The following TSHZ2 variants were observed in gnomAD, a reference collection of about 807,000 sequenced individuals.
The protein encoded by TSHZ2 is teashirt zinc finger homeobox 2.
Under a neutral mutation model 74.4 loss-of-function variants are expected in TSHZ2, and 21 were observed. The observed-to-expected ratio is 0.28, with a 90% confidence interval of 0.20 to 0.41. The LOEUF is 0.41. TSHZ2 is among the 10% of genes least tolerant of loss of function. The pLI is 1.00. For missense variants in TSHZ2, 1,244 were observed against 1,293.5 expected (o/e 0.96, Z 0.59); for synonymous variants, 540 against 515.3 (o/e 1.05, Z -0.65).
chr20:53,025,880 A>G (rs1983422173), intron 1 of TSHZ2, among the ~76,000 whole-genome samples: 1 of 151,804 alleles, frequency 6.6e-6, no homozygotes, highest in African/African-American at 2.4e-5. Context: ...TGCCAGTGAT[A>G]CTCTTTCAGC....
At chr20:53,007,926 CATAATACTAATTT>C (rs1426281853) in intron 1 of TSHZ2, among the ~76,000 whole-genome samples, 13 of 151,914 alleles carry the variant, frequency 8.6e-5, no homozygotes, top group African/African-American at 2.7e-4. Context: ...TACTTTTATT[CATAATACTAATTT>C]ATATCATTAT....
chr20:53,013,178 G>C lies in TSHZ2; in HGVS notation c.40+39845G>C, dbSNP rs1399193163. Among the ~76,000 whole-genome samples, 3 of 152,258 alleles carry C rather than the reference G, an allele frequency of 2.0e-5. No homozygotes were observed. The East Asian group carries it at 5.8e-4, about 29-fold the overall frequency. The stretch of plus-strand genomic sequence containing the variant: ...GACCATTGCAGCAAAAATGTTGGGT[G>C]ATCAGCCATGTCTTTCTCTCCTTTG... On this transcript the variant is annotated intron_variant, in intron 1 of 2. Coordinates refer to ENST00000371497, the MANE Select transcript of TSHZ2 (RefSeq NM_173485.6).
intron 1 of TSHZ2, among the ~76,000 whole-genome samples, chr20:53,231,094 T>A (rs1600756004): frequency 1.3e-5 from 2 of 152,216 alleles, no homozygotes; most frequent in East Asian, 3.9e-4. Context: ...AACTTCACTT[T>A]GTCTCCACTG....
At chr20:53,018,697 A>T (rs1444620964) in intron 1 of TSHZ2, among the ~76,000 whole-genome samples, 2 of 152,284 alleles carry the variant, frequency 1.3e-5, no homozygotes, top group East Asian at 3.9e-4. Context: ...CCCGTAGGCA[A>T]GATTTTGCAT....
At chr20:53,238,850 A>G (rs1410696964) in intron 1 of TSHZ2, among the ~76,000 whole-genome samples, 3 of 151,074 alleles carry the variant, frequency 2.0e-5, no homozygotes, top group Non-Finnish European at 3.0e-5. Flanking sequence ...AAAAAAAAAA[A>G]AAAAAAAAAA....
chr20:53,377,727 A>G (rs937475231), intron 2 of TSHZ2, among the ~76,000 whole-genome samples: 6 of 152,022 alleles, frequency 3.9e-5, no homozygotes, highest in African/African-American at 1.4e-4. Context: ...GCTGGGCATG[A>G]TGGTGCATGC....
chr20:52,981,098 T>G (rs1981551024), intron 1 of TSHZ2, among the ~76,000 whole-genome samples: 2 of 152,220 alleles, frequency 1.3e-5, no homozygotes. Context: ...CTATTTTCCT[T>G]TATTAGAAAG....
chr20:53,269,500 C>T, intron 2 of TSHZ2, among the ~76,000 whole-genome samples: 1 of 152,124 alleles, frequency 6.6e-6, no homozygotes, highest in Middle Eastern at 3.2e-3. Context: ...TTGCTGGTGG[C>T]TAAGCCATGC....
chr20:53,186,081 C>T (rs1988590456), intron 1 of TSHZ2, among the ~76,000 whole-genome samples: 2 of 152,324 alleles, frequency 1.3e-5, no homozygotes, highest in South Asian at 4.1e-4. Flanking sequence ...TTTGGCTTCT[C>T]CCTATCACAC....
At chr20:53,123,952 G>A (rs566244520) in intron 1 of TSHZ2, among the ~76,000 whole-genome samples, 3 of 152,176 alleles carry the variant, frequency 2.0e-5, no homozygotes, top group East Asian at 1.9e-4. Context: ...CAGGCCAAAT[G>A]GAGCGTTGGG....
intron 2 of TSHZ2, among the ~76,000 whole-genome samples, chr20:53,376,543 A>T (rs748014747): frequency 9.2e-5 from 14 of 152,324 alleles, no homozygotes; most frequent in Non-Finnish European, 1.9e-4. Context: ...ACAGCCTAGG[A>T]GTTGACCTGA....
chr20:53,102,386 T>A (rs1986241097), intron 1 of TSHZ2, among the ~76,000 whole-genome samples: 1 of 148,754 alleles, frequency 6.7e-6, no homozygotes. Flanking sequence ...TAGACCCAGT[T>A]TGAGTTTAAC....
chr20:53,130,445 C>T (rs117771206), intron 1 of TSHZ2, among the ~76,000 whole-genome samples: 13,030 of 151,894 alleles, frequency 0.086, 831 homozygotes, highest in East Asian at 0.19. Flanking sequence ...GCCAATGCAG[C>T]GAAACCCCAT....
chr20:53,381,534 G>T (rs1311957755), intron 2 of TSHZ2, among the ~76,000 whole-genome samples: 1 of 152,170 alleles, frequency 6.6e-6, no homozygotes, highest in Admixed American at 6.5e-5. Flanking sequence ...ACAAGCTCCA[G>T]TGTGTGAAAA....
rs74175958 is a variant in TSHZ2, at chr20:53,475,728, C to T, written c.*9-11416C>T. 1.1e-3 allele frequency among the ~76,000 whole-genome samples: 146 copies of T among 135,034 alleles called. 5 individuals carry two copies. The highest frequency in any genetic ancestry group is 7.6e-3 in the Middle Eastern group (2 of 262). 88.6% of individuals were successfully genotyped at this position (135,034 alleles called of 152,430 possible). A position where few individuals can be genotyped will look rare whatever the true frequency, so the allele number is the denominator to read the frequency against. On this transcript the variant is annotated intron_variant, in intron 2 of 2. Transcript: ENST00000371497. ...AATTAATGAATCCAGGAGCTGGTTT[C>T]TTGAAAGGATCAACAAAATTGATAG...
chr20:53,086,433 C>T (rs1985701181), intron 1 of TSHZ2, among the ~76,000 whole-genome samples: 1 of 151,972 alleles, frequency 6.6e-6, no homozygotes, highest in Non-Finnish European at 1.5e-5. Flanking sequence ...GTCCATTTGT[C>T]TCTGATTGAG....
At chr20:53,174,281 T>A (rs1988272103) in intron 1 of TSHZ2, among the ~76,000 whole-genome samples, 1 of 152,048 alleles carries the variant, frequency 6.6e-6, no homozygotes, top group Non-Finnish European at 1.5e-5. Context: ...CTATGAAGAA[T>A]AAAATCAAGT....
chr20:53,128,091 G>A (rs775203829), intron 1 of TSHZ2, among the ~76,000 whole-genome samples: 4 of 152,068 alleles, frequency 2.6e-5, no homozygotes, highest in Non-Finnish European at 5.9e-5. Context: ...TTCATCTTGA[G>A]GGTGATTCCT....
chr20:53,284,269 A>G (rs1355497623), intron 2 of TSHZ2, among the ~76,000 whole-genome samples: 3 of 152,188 alleles, frequency 2.0e-5, no homozygotes, highest in Non-Finnish European at 4.4e-5. Context: ...AACTCCAACC[A>G]TCAGTGCAAC....
Sources: gnomAD v4.1 joint callset for allele counts (sites outside exome capture counted in the v4.1 genomes callset) on GRCh38, gnomAD v4.1.1 for gene constraint, MANE v1.5 for transcripts, NCBI Gene and HGNC (gene_info 2026-07-23, HGNC 2026-07-21) for gene names.